The following NSL1 variants were observed in gnomAD, a reference collection of about 807,000 sequenced individuals.
NSL1 encodes the protein kinetochore-associated protein NSL1 homolog.
NSL1 carries 11 observed loss-of-function variants against 25.4 expected under a neutral mutation model. The ratio of observed to expected loss-of-function variants is 0.43; its 90% CI spans 0.27 to 0.72. NSL1 has a LOEUF of 0.72. NSL1 is among the 30% of genes least tolerant of loss of function. The probability of loss-of-function intolerance (pLI) is 0.19; values close to 1 mark genes in which losing one functional copy is unlikely to be tolerated. For missense variants in NSL1, 330 were observed against 342.7 expected, an observed-to-expected ratio of 0.96 and a Z score of 0.29; for synonymous variants, 118 against 120.6, an observed-to-expected ratio of 0.98 and a Z score of 0.14.
At chr1:212,763,440 A>G (rs1659663872) in intron 4 of NSL1, among the ~76,000 whole-genome samples, 1 of 152,230 alleles carries the variant, frequency 6.6e-6, no homozygotes, top group Admixed American at 6.5e-5. Context: ...TAACATTTCA[A>G]TATTAACGTT....
chr1:212,773,683 C>T (rs1660226222), intron 4 of NSL1, among the ~76,000 whole-genome samples: 1 of 152,132 alleles, frequency 6.6e-6, no homozygotes. Flanking sequence ...ATTCCTGCCA[C>T]TGGGTATTCA....
chr1:212,766,149 C>CA (rs56244506), intron 4 of NSL1: 4 of 414,420 alleles, frequency 9.7e-6, no homozygotes, highest in South Asian at 3.5e-5. Context: ...AAAAAAAAAA[C>CA]AAAAAAACCC....
At chr1:212,771,947 G>T (rs1660139175) in intron 4 of NSL1, among the ~76,000 whole-genome samples, 1 of 152,196 alleles carries the variant, frequency 6.6e-6, no homozygotes, top group Non-Finnish European at 1.5e-5. Flanking sequence ...GGAGGGACCT[G>T]GTGGGAGATA....
Position 212,738,074 on chromosome 1 carries a change from TTTG to T in NSL1, c.*331_*333del. On this transcript the variant is annotated 3_prime_UTR_variant, in exon 6 of 6. Coordinates refer to ENST00000366977, the MANE Select transcript of NSL1 (RefSeq NM_015471.4). Reference sequence around the variant, plus strand: ...TGTATACCAGGGAAACACAACAGAATTTGTTACTTGTTAAATCCCACAAAAGCT... The same window carrying T: ...TGTATACCAGGGAAACACAACAGAATTTACTTGTTAAATCCCACAAAAGCT... 9.9e-7 allele frequency: 1 copy of T among 1,014,162 alleles called. No individual in the cohort carries two copies. Among genetic ancestry groups the T allele is most frequent in the African/African-American group, 1.7e-5 (1 of 58,254 alleles). 62.8% of individuals were successfully genotyped at this position (1,014,162 alleles called of 1,614,324 possible). A position where few individuals can be genotyped will look rare whatever the true frequency, so the allele number is the denominator to read the frequency against.
chr1:212,751,854 C>T (rs879848139), intron 4 of NSL1, among the ~76,000 whole-genome samples: 3 of 152,116 alleles, frequency 2.0e-5, no homozygotes, highest in Admixed American at 2.0e-4. Flanking sequence ...TTTTCACTCC[C>T]TCACTCAAGA....
Position 212,738,464 on chromosome 1 carries a change from A to T in NSL1, c.790T>A (p.Cys264Ser), listed in dbSNP as rs1208602847. The part of the protein sequence containing the change: ...MVLKRKQTKD[C>S]PQRKWYPLRP... ...AATGGATACCATTTTCTCTGGGGGCAGTCTTTAGTTTGCTTTCTTTTCAGT... is the reference window on the plus strand; with the variant it reads ...AATGGATACCATTTTCTCTGGGGGCTGTCTTTAGTTTGCTTTCTTTTCAGT... The change falls in exon 6 of 6, where the codon TGC (cysteine) becomes AGC (serine). Residue 264 changes from cysteine to serine, a missense_variant. Cys to Ser is a moderately radical substitution (Grantham distance 112). Transcript: ENST00000366977. The T allele has an allele frequency of 6.2e-7, 1 of 1,614,018 alleles. No individual in the cohort carries two copies. The highest frequency in any genetic ancestry group is 1.3e-5 in the African/African-American group (1 of 75,028).
intron 4 of NSL1, among the ~76,000 whole-genome samples, chr1:212,777,617 T>C (rs1660434887): frequency 6.6e-6 from 1 of 152,180 alleles, no homozygotes; most frequent in African/African-American, 2.4e-5. Context: ...TATGTATCTA[T>C]AAATTAAGTA....
rs1169587643 is a variant in NSL1, at chr1:212,760,542, T to TATC, written c.500-20944_500-20942dup. Among the ~76,000 whole-genome samples the TATC allele has an allele frequency of 1.3e-5, 2 of 152,002 alleles. No homozygotes were observed. Among genetic ancestry groups the TATC allele is most frequent in the Non-Finnish European group, 2.9e-5 (2 of 67,990 alleles). ...GGCTTGAGGACGGGCCTGACTAGCC[T>TATC]ATCATCACCACCACCATCACCGCCA... is the stretch of plus-strand genomic sequence containing the variant. On this transcript the variant is annotated intron_variant, in intron 4 of 5. Transcript: ENST00000366977. The surrounding 1 kb of genome is among the most constrained non-coding windows in gnomAD (Gnocchi z 4.3).
At position 212,743,766 on chromosome 1, in the gene NSL1, T is replaced by C. The variant is rs116125630; in HGVS notation, c.500-4165A>G. On this transcript the variant is annotated intron_variant, in intron 4 of 5. Coordinates refer to ENST00000366977, the MANE Select transcript of NSL1 (RefSeq NM_015471.4). ...GGTTTTCACCAATCAACAGAATGTT[T>C]AATCAAGGCAAGAGCAAGTGAAATC... is the stretch of plus-strand genomic sequence containing the variant. 8.5e-4 allele frequency among the ~76,000 whole-genome samples: 130 copies of C among 152,278 alleles called. 1 individual carries two copies. Among genetic ancestry groups the C allele is most frequent in the African/African-American group, 2.9e-3 (121 of 41,562 alleles).
chr1:212,748,078 AAT>A (rs1303694410), intron 4 of NSL1, among the ~76,000 whole-genome samples: 4 of 152,158 alleles, frequency 2.6e-5, no homozygotes, highest in Admixed American at 6.5e-5. Context: ...ACTTTCAAAT[AAT>A]ATATGATTGT....
chr1:212,763,132 A>G (rs1230275501), intron 4 of NSL1, among the ~76,000 whole-genome samples: 1 of 152,216 alleles, frequency 6.6e-6, no homozygotes, highest in Non-Finnish European at 1.5e-5. Context: ...GAGTGAGACC[A>G]GCGTCGCCAA....
In NSL1 at chr1:212,789,331, TC is replaced by T. The variant is rs562458874; in HGVS notation, c.235-1695del. ...GGTTCAAGCGATTCTCCTGCCTCAG[TC>T]TCCCGAATAGCTGGGATTACAGGCA... On this transcript the variant is annotated intron_variant, in intron 1 of 5. Transcript: ENST00000366977. 2.2e-3 allele frequency among the ~76,000 whole-genome samples: 340 copies of T among 152,112 alleles called. 1 individual carries two copies. The highest frequency in any genetic ancestry group is 7.7e-3 in the African/African-American group (318 of 41,506).
chr1:212,779,332 G>A (rs1292735334), intron 4 of NSL1, among the ~76,000 whole-genome samples: 1 of 143,394 alleles, frequency 7.0e-6, no homozygotes, highest in East Asian at 2.1e-4. Flanking sequence ...GGAGGGAGGT[G>A]GGGGGGTCAG....
intron 4 of NSL1, among the ~76,000 whole-genome samples, chr1:212,765,796 C>A (rs112974303): frequency 0.023 from 3,457 of 150,746 alleles, 62 homozygotes; most frequent in South Asian, 0.042. Context: ...GAGAGTCAGG[C>A]TCTGTCTTTA....
intron 4 of NSL1, among the ~76,000 whole-genome samples, chr1:212,761,901 C>T (rs1469692907): frequency 1.3e-5 from 2 of 151,254 alleles, no homozygotes; most frequent in Non-Finnish European, 1.5e-5. Flanking sequence ...TTTGGCTTCC[C>T]TAAGCCACAC....
Position 212,735,570 on chromosome 1 carries a change from T to C in NSL1, c.*2838A>G. On this transcript the variant is annotated 3_prime_UTR_variant, in exon 6 of 6. Transcript: ENST00000366977. ...GGGCTTGTGTTATGGACTCAATGTT[T>C]GTGTCCCCCTAAAATCTGTATGATG... 2 of 982,800 alleles carry C rather than the reference T, an allele frequency of 2.0e-6. No individual in the cohort carries two copies. Among genetic ancestry groups the C allele is most frequent in the Non-Finnish European group, 2.4e-6 (2 of 827,524 alleles). 60.9% of individuals were successfully genotyped at this position (982,800 alleles called of 1,614,324 possible).
intron 4 of NSL1, among the ~76,000 whole-genome samples, chr1:212,776,248 A>C (rs191313516): frequency 3.3e-5 from 5 of 152,204 alleles, no homozygotes; most frequent in Admixed American, 1.3e-4. Flanking sequence ...CTATAATCCC[A>C]GCTACTTGGG....
chr1:212,727,887 A>T lies in NSL1; in HGVS notation c.*10521T>A. The stretch of plus-strand genomic sequence containing the variant: ...ATGTTTGTTGATACTCTCTGTTGCT[A>T]TGTGTCATTGAAAAAAAATGAGAAG... On this transcript the variant is annotated 3_prime_UTR_variant, in exon 6 of 6. Coordinates refer to ENST00000366977, the MANE Select transcript of NSL1 (RefSeq NM_015471.4). 1 of 985,330 alleles carries T rather than the reference A, an allele frequency of 1.0e-6. No homozygotes were observed. Among genetic ancestry groups the T allele is most frequent in the African/African-American group, 1.7e-5 (1 of 57,340 alleles). The allele number at this position is 985,330 out of a possible 1,614,324, so 61.0% of individuals were successfully genotyped here.
chr1:212,778,469 C>T (rs113289515), intron 4 of NSL1, among the ~76,000 whole-genome samples: 3,257 of 152,356 alleles, frequency 0.021, 58 homozygotes, highest in Non-Finnish European at 0.033. Context: ...GACTGTACTG[C>T]TGCCATCTCG....
Sources: allele counts gnomAD v4.1 joint callset (sites outside exome capture counted in the v4.1 genomes callset), GRCh38; gene constraint gnomAD v4.1.1; non-coding constraint Gnocchi (gnomAD v3.1); transcripts MANE v1.5; gene names NCBI Gene and HGNC (gene_info 2026-07-23, HGNC 2026-07-21).